Variants in USH2A observed in about 807,000 individuals in gnomAD.
USH2A encodes the protein Usher syndrome 2A (autosomal recessive, mild).
A neutral mutation model predicts 538.9 loss-of-function variants in USH2A; 443 were observed. That is an observed-to-expected ratio of 0.82 (90% CI 0.76 to 0.89). The LOEUF is 0.89. Ranked by LOEUF, USH2A falls within the 40% of genes least tolerant of loss-of-function variation. USH2A has a pLI of 0.00. For synonymous variants in USH2A, 2,413 were observed against 2,273.5 expected, an observed-to-expected ratio of 1.06 and a Z score of -1.75; for missense variants, 6,633 against 6,324.8, an observed-to-expected ratio of 1.05 and a Z score of -1.65.
At chr1:215,914,300 T>A (rs951037355) in intron 38 of USH2A, among the ~76,000 whole-genome samples, 1 of 151,984 alleles carries the variant, frequency 6.6e-6, no homozygotes, top group African/African-American at 2.4e-5. Context: ...CTTAAAAAGT[T>A]CTTTTTTGTT....
At chr1:216,250,055 G>A (rs1443852759) in intron 12 of USH2A, among the ~76,000 whole-genome samples, 1 of 152,046 alleles carries the variant, frequency 6.6e-6, no homozygotes, top group Non-Finnish European at 1.5e-5. Flanking sequence ...TTACAATACA[G>A]GGCTCACTTC....
chr1:216,363,040 A>G (rs1049525867), intron 4 of USH2A, among the ~76,000 whole-genome samples: 1 of 151,790 alleles, frequency 6.6e-6, no homozygotes, highest in Non-Finnish European at 1.5e-5. Context: ...CTTAAACTAC[A>G]TGGCCAATTT....
intron 61 of USH2A, among the ~76,000 whole-genome samples, chr1:215,726,563 C>T (rs796778797): frequency 1.6e-4 from 25 of 152,078 alleles, no homozygotes; most frequent in African/African-American, 6.0e-4. Context: ...TAAATGTTAT[C>T]CTCCATAAGA....
In USH2A at chr1:216,307,833, T is replaced by C. The variant is rs188973020; in HGVS notation, c.1644+14050A>G. ...TCAGCTCCAGGTAAGGCCAAATCCA[T>C]CACCTGTGACCTGGACCTTCAGGTT... On this transcript the variant is annotated intron_variant, in intron 9 of 71. Coordinates refer to ENST00000307340, the MANE Select transcript of USH2A (RefSeq NM_206933.4). 1.6e-3 allele frequency among the ~76,000 whole-genome samples: 241 copies of C among 152,278 alleles called. 5 individuals are homozygous for C. The highest frequency in any genetic ancestry group is 0.013 in the Admixed American group (193 of 15,292).
chr1:215,714,813 A>T (rs1483063298), intron 61 of USH2A, among the ~76,000 whole-genome samples: 5 of 152,178 alleles, frequency 3.3e-5, no homozygotes, highest in Non-Finnish European at 7.3e-5. Flanking sequence ...ACCTATATGG[A>T]ATTTTTAAGT....
intron 32 of USH2A, among the ~76,000 whole-genome samples, chr1:216,023,936 A>C (rs989469172): frequency 3.3e-5 from 5 of 152,162 alleles, no homozygotes; most frequent in African/African-American, 1.2e-4. Context: ...TCACATTCCC[A>C]GCTCAGTCCT....
chr1:216,033,440 C>A (rs1558222546), intron 32 of USH2A, among the ~76,000 whole-genome samples: 4 of 151,958 alleles, frequency 2.6e-5, no homozygotes, highest in Admixed American at 2.6e-4. Flanking sequence ...ACAGAAAGTT[C>A]AAAAGTCTGC....
At chr1:215,684,286 C>G (rs942653446) in intron 61 of USH2A, among the ~76,000 whole-genome samples, 2 of 152,184 alleles carry the variant, frequency 1.3e-5, no homozygotes, top group Non-Finnish European at 2.9e-5. Context: ...CTTCAGCAGT[C>G]TGACAATTTT....
intron 4 of USH2A, among the ~76,000 whole-genome samples, chr1:216,330,368 G>A (rs1324948107): frequency 6.6e-6 from 1 of 152,050 alleles, no homozygotes; most frequent in African/African-American, 2.4e-5. Flanking sequence ...TGGAGAGCAT[G>A]GCTAGATTTT....
chr1:215,625,876 A>T lies in USH2A; in HGVS notation c.15520-6T>A, dbSNP rs376079940. The T allele has an allele frequency of 1.1e-5, 18 of 1,613,682 alleles. No individual in the cohort carries two copies. The highest frequency in any genetic ancestry group is 1.4e-5 in the Non-Finnish European group (17 of 1,179,678). On this transcript the variant is annotated splice_region_variant and splice_polypyrimidine_tract_variant and intron_variant, in intron 71 of 71. Transcript: ENST00000307340. ...AGGTCCTCTTCATCCACATACTGAA[A>T]AATAAGCCAATCATCATTGGCTACA... is the stretch of plus-strand genomic sequence containing the variant.
At chr1:215,696,187 C>G (rs927880689) in intron 61 of USH2A, among the ~76,000 whole-genome samples, 1 of 152,108 alleles carries the variant, frequency 6.6e-6, no homozygotes, top group African/African-American at 2.4e-5. Flanking sequence ...TACAATAAAG[C>G]AAGCTAGAGA....
rs760648770 is a variant in USH2A at position 215,780,051 on chromosome 1, T to C, written c.10741-10A>G. 70 of 1,613,922 alleles carry C rather than the reference T, an allele frequency of 4.3e-5. No homozygotes were observed. The highest frequency in any genetic ancestry group is 5.8e-5 in the Non-Finnish European group (69 of 1,179,998). ...TAGTAGCTGCAACTACCTGAAGACG[T>C]AGGAATTAAGCAGCAATTTATTGTA... On this transcript the variant is annotated splice_polypyrimidine_tract_variant and intron_variant, in intron 54 of 71. Coordinates refer to ENST00000307340, the MANE Select transcript of USH2A (RefSeq NM_206933.4).
chr1:215,696,612 G>T (rs183281077), intron 61 of USH2A, among the ~76,000 whole-genome samples: 1 of 152,224 alleles, frequency 6.6e-6, no homozygotes, highest in Non-Finnish European at 1.5e-5. Context: ...GACAGGATCT[G>T]GTTGGTTGTT....
chr1:216,177,292 A>T (rs2034406957), intron 20 of USH2A, among the ~76,000 whole-genome samples: 1 of 151,910 alleles, frequency 6.6e-6, no homozygotes. Context: ...TTTAATTTGC[A>T]TTTCCCTTTA....
At chr1:216,047,253 A>T (rs2030561830) in intron 31 of USH2A, among the ~76,000 whole-genome samples, 1 of 152,180 alleles carries the variant, frequency 6.6e-6, no homozygotes, top group African/African-American at 2.4e-5. Context: ...AAGAGCAGGG[A>T]TCTCTCTGGG....
intron 37 of USH2A, among the ~76,000 whole-genome samples, chr1:215,950,498 T>C (rs1666885555): frequency 6.8e-6 from 1 of 146,302 alleles, no homozygotes; most frequent in Non-Finnish European, 1.5e-5. Context: ...CATTTATAAT[T>C]GCTACCTTTT....
At chr1:215,649,594 C>A (rs543689808) in intron 65 of USH2A, among the ~76,000 whole-genome samples, 40 of 152,190 alleles carry the variant, frequency 2.6e-4, no homozygotes, top group Non-Finnish European at 5.1e-4. Context: ...GAGTACGAAG[C>A]CCTATAGAAA....
intron 38 of USH2A, among the ~76,000 whole-genome samples, chr1:215,928,281 A>C (rs1225948229): frequency 6.6e-6 from 1 of 152,178 alleles, no homozygotes; most frequent in African/African-American, 2.4e-5. Context: ...ATTGATATAC[A>C]TTTATTGATC....
intron 3 of USH2A, among the ~76,000 whole-genome samples, chr1:216,381,013 A>G (rs1382958201): frequency 6.6e-6 from 1 of 152,176 alleles, no homozygotes; most frequent in Non-Finnish European, 1.5e-5. Flanking sequence ...CCTACTTAAT[A>G]TCTAATAAAA....
Sources: allele counts gnomAD v4.1 joint callset (sites outside exome capture counted in the v4.1 genomes callset), GRCh38; gene constraint gnomAD v4.1.1; transcripts MANE v1.5; gene names NCBI Gene and HGNC (gene_info 2026-07-23, HGNC 2026-07-21).